The following CDH13 variants were observed in gnomAD, a reference collection of about 807,000 sequenced individuals.
CDH13 encodes the protein cadherin-13.
CDH13 carries 24 observed loss-of-function variants against 63.8 expected under a neutral mutation model. The observed-to-expected ratio is 0.38, with a 90% CI of 0.27 to 0.53. The LOEUF (loss-of-function observed/expected upper bound fraction) is 0.53, where lower values mean the gene tolerates loss of function less well. CDH13 is among the 20% of genes least tolerant of loss of function. CDH13 has a pLI of 0.85. For synonymous variants in CDH13, 503 were observed against 355.3 expected, an observed-to-expected ratio of 1.42 and a Z score of -4.67; for missense variants, 1,049 against 903.1, an observed-to-expected ratio of 1.16 and a Z score of -2.07.
chr16:83,282,660 G>C (rs911859473), intron 5 of CDH13, among the ~76,000 whole-genome samples: 5 of 152,174 alleles, frequency 3.3e-5, no homozygotes, highest in African/African-American at 4.8e-5. Flanking sequence ...AAATCAACAA[G>C]AAAGAGACAA....
intron 7 of CDH13, among the ~76,000 whole-genome samples, chr16:83,599,816 A>G (rs964593787): frequency 4.6e-5 from 7 of 152,234 alleles, no homozygotes; most frequent in Non-Finnish European, 8.8e-5. Flanking sequence ...TTCAAAAATA[A>G]GTAACAATGT....
intron 7 of CDH13, among the ~76,000 whole-genome samples, chr16:83,515,290 A>C (rs1181816999): frequency 6.6e-6 from 1 of 152,192 alleles, no homozygotes; most frequent in African/African-American, 2.4e-5. Context: ...CTTTGAAACC[A>C]CCACTACAAA....
At chr16:83,095,105 A>G (rs2151590373) in intron 3 of CDH13, among the ~76,000 whole-genome samples, 1 of 152,344 alleles carries the variant, frequency 6.6e-6, no homozygotes, top group African/African-American at 2.4e-5. Flanking sequence ...AAGATTTCTG[A>G]ACAGAAATAA....
chr16:82,983,642 C>G (rs541633609), intron 2 of CDH13, among the ~76,000 whole-genome samples: 1 of 152,288 alleles, frequency 6.6e-6, no homozygotes, highest in East Asian at 1.9e-4. Flanking sequence ...TGATGTCACA[C>G]TTGACATAAA....
intron 8 of CDH13, among the ~76,000 whole-genome samples, chr16:83,658,767 ATCCTCACCAGCAAGGTCTCATG>A (rs1913140845): frequency 4.8e-5 from 6 of 124,090 alleles, no homozygotes; most frequent in South Asian, 2.9e-4. Context: ...AAGGTCCCAT[ATCCTCACCAGCAAGGTCTCATG>A]TCCTCACCAC....
chr16:82,964,456 C>T (rs918697237), intron 2 of CDH13, among the ~76,000 whole-genome samples: 1 of 152,194 alleles, frequency 6.6e-6, no homozygotes, highest in African/African-American at 2.4e-5. Flanking sequence ...ATTAAACCTC[C>T]AGGGAGAAGT....
chr16:82,862,455 A>G (rs2039981455), intron 2 of CDH13, among the ~76,000 whole-genome samples: 4 of 152,208 alleles, frequency 2.6e-5, no homozygotes, highest in Non-Finnish European at 1.5e-5. Flanking sequence ...CATTAGGAGA[A>G]ACCATACCCT....
chr16:83,235,614 A>C (rs12933790), intron 5 of CDH13, among the ~76,000 whole-genome samples: 5 of 148,764 alleles, frequency 3.4e-5, no homozygotes, highest in Admixed American at 3.3e-4. Context: ...GCAGAAGACA[A>C]ATTCTATTTC....
At chr16:82,964,494 A>G (rs1275475042) in intron 2 of CDH13, among the ~76,000 whole-genome samples, 3 of 152,208 alleles carry the variant, frequency 2.0e-5, no homozygotes, top group Non-Finnish European at 2.9e-5. Flanking sequence ...AATTGTCCAC[A>G]TTGGATAAGG....
chr16:82,698,726 C>T (rs959332472), intron 1 of CDH13, among the ~76,000 whole-genome samples: 2 of 152,154 alleles, frequency 1.3e-5, no homozygotes, highest in East Asian at 1.9e-4. Context: ...CTCCATGGCA[C>T]AGGGGGGCGT....
At chr16:83,644,790 A>G (rs139058990) in intron 8 of CDH13, among the ~76,000 whole-genome samples, 101 of 152,316 alleles carry the variant, frequency 6.6e-4, no homozygotes, top group African/African-American at 2.3e-3. Context: ...GGCCACAGCA[A>G]TTGGACGGAT....
intron 6 of CDH13, among the ~76,000 whole-genome samples, chr16:83,438,577 T>C (rs572077300): frequency 1.3e-5 from 2 of 152,384 alleles, no homozygotes; most frequent in Admixed American, 6.5e-5. Flanking sequence ...TCATTAGTCA[T>C]GTTTTAAGGA....
At chr16:83,334,361 T>TCACACA (rs1208427532) in intron 5 of CDH13, among the ~76,000 whole-genome samples, 29 of 85,606 alleles carry the variant, frequency 3.4e-4, no homozygotes, top group African/African-American at 5.5e-4. Context: ...TCTCTCTCTC[T>TCACACA]CACACACACA....
At chr16:83,178,350 C>T (rs748964087) in intron 4 of CDH13, among the ~76,000 whole-genome samples, 12 of 152,178 alleles carry the variant, frequency 7.9e-5, no homozygotes, top group South Asian at 2.1e-4. Context: ...AAAACTCCCC[C>T]GCCGCACCCC....
At chr16:82,684,831 C>T (rs895729712) in intron 1 of CDH13, among the ~76,000 whole-genome samples, 4 of 152,204 alleles carry the variant, frequency 2.6e-5, no homozygotes, top group Admixed American at 2.6e-4. Flanking sequence ...GTTGTGCTTT[C>T]TTAAGGCCAC....
chr16:83,688,072 C>G (rs957583687), intron 10 of CDH13, among the ~76,000 whole-genome samples: 2 of 152,278 alleles, frequency 1.3e-5, no homozygotes, highest in Admixed American at 1.3e-4. Context: ...TATTTCAGCC[C>G]CAAAAGATTT....
At chr16:83,793,122 A>G (rs1369442474) in intron 13 of CDH13, among the ~76,000 whole-genome samples, 1 of 152,142 alleles carries the variant, frequency 6.6e-6, no homozygotes, top group Non-Finnish European at 1.5e-5. Flanking sequence ...TTGATGGAGC[A>G]AGACTGTAAC....
At chr16:82,812,800 C>T (rs532367111) in intron 1 of CDH13, among the ~76,000 whole-genome samples, 127 of 151,824 alleles carry the variant, frequency 8.4e-4, no homozygotes, top group Non-Finnish European at 1.6e-3. Flanking sequence ...CTTTCCTTCT[C>T]TTCCTTCCTT....
At chr16:83,551,233 C>A (rs12926232) in intron 7 of CDH13, among the ~76,000 whole-genome samples, 45,497 of 152,058 alleles carry the variant, frequency 0.3, 6,892 homozygotes, top group Middle Eastern at 0.36. Context: ...AGGTGTACAC[C>A]ACCACACCTG....
Sources: allele counts gnomAD v4.1 joint callset (sites outside exome capture counted in the v4.1 genomes callset), GRCh38; gene constraint gnomAD v4.1.1; transcripts MANE v1.5; gene names NCBI Gene and HGNC (gene_info 2026-07-23, HGNC 2026-07-21).